AGPS: variants seen among roughly 807,000 people sequenced by gnomAD.
AGPS encodes alkylglycerone phosphate synthase.
AGPS carries 26 observed loss-of-function variants against 90.7 expected under a neutral mutation model. That is an observed-to-expected ratio of 0.29 (90% CI 0.21 to 0.40). AGPS has a LOEUF of 0.40. Ranked by LOEUF, AGPS falls within the 10% of genes least tolerant of loss-of-function variation. The probability of loss-of-function intolerance (pLI) is 1.00; values close to 1 mark genes in which losing one functional copy is unlikely to be tolerated. For synonymous variants in AGPS, 294 were observed against 285.3 expected (o/e 1.03, Z -0.31); for missense variants, 540 against 816.1 (o/e 0.66, Z 4.12).
chr2:177,475,989 C>T (rs1039516918), intron 10 of AGPS, among the ~76,000 whole-genome samples: 6 of 151,786 alleles, frequency 4.0e-5, no homozygotes, highest in Admixed American at 2.6e-4. Flanking sequence ...CCTTTATAAT[C>T]CTTTTTATTT....
At chr2:177,508,291 A>G (rs1257980764) in intron 16 of AGPS, among the ~76,000 whole-genome samples, 1 of 152,170 alleles carries the variant, frequency 6.6e-6, no homozygotes, top group Non-Finnish European at 1.5e-5. Flanking sequence ...GAAGAATGTT[A>G]TTGAATGCTC....
intron 1 of AGPS, among the ~76,000 whole-genome samples, chr2:177,405,029 G>A (rs1373506401): frequency 2.0e-5 from 3 of 152,184 alleles, no homozygotes; most frequent in Non-Finnish European, 4.4e-5. Context: ...GAACCCAAGG[G>A]TAAGAATGGA....
chr2:177,442,384 G>C, intron 6 of AGPS, 23 bp from the exon 7 acceptor site: 1 of 1,568,778 alleles, frequency 6.4e-7, no homozygotes, highest in Non-Finnish European at 8.8e-7. Flanking sequence ...AAACATAAAA[G>C]TTGTTGTTTC....
chr2:177,410,140 T>C (rs1685578539), intron 1 of AGPS, among the ~76,000 whole-genome samples: 1 of 152,134 alleles, frequency 6.6e-6, no homozygotes, highest in African/African-American at 2.4e-5. Flanking sequence ...TCCTGCCGAG[T>C]ACTGCAGCTT....
At chr2:177,430,436 A>G (rs1338688898) in intron 2 of AGPS, among the ~76,000 whole-genome samples, 1 of 152,016 alleles carries the variant, frequency 6.6e-6, no homozygotes, top group Non-Finnish European at 1.5e-5. Context: ...AGCCTGAGTG[A>G]CTGTTCTTTT....
chr2:177,472,117 G>T (rs1200087693), intron 10 of AGPS, among the ~76,000 whole-genome samples: 2 of 147,426 alleles, frequency 1.4e-5, no homozygotes, highest in East Asian at 3.9e-4. Context: ...AAATATTAGG[G>T]TTTTTTTTTT....
At position 177,537,583 on chromosome 2, in the gene AGPS, G is replaced by A. The variant is rs189705580; in HGVS notation, c.1856-491G>A. 5.3e-5 allele frequency among the ~76,000 whole-genome samples: 8 copies of A among 152,084 alleles called. No homozygotes were observed. The East Asian group carries it at 1.5e-3, about 29-fold the overall frequency. On this transcript the variant is annotated intron_variant, in intron 19 of 19. Transcript: ENST00000264167. The stretch of plus-strand genomic sequence containing the variant: ...AGAATTTTTTCTTGAGCCTATTAAA[G>A]TTTCAAATTTTCTTATTATTTGAAG...
At chr2:177,536,293 A>G (rs1004547429) in intron 19 of AGPS, among the ~76,000 whole-genome samples, 7 of 152,120 alleles carry the variant, frequency 4.6e-5, no homozygotes, top group Non-Finnish European at 5.9e-5. Context: ...TGTATTACAG[A>G]TAACAGTGGA....
chr2:177,500,205 C>T (rs1375179640), intron 14 of AGPS, among the ~76,000 whole-genome samples: 1 of 151,884 alleles, frequency 6.6e-6, no homozygotes, highest in African/African-American at 2.4e-5. Context: ...CTGTTTTGTG[C>T]TGGTATAAAG....
chr2:177,526,466 A>G (rs1318593253), intron 19 of AGPS, among the ~76,000 whole-genome samples: 1 of 151,978 alleles, frequency 6.6e-6, no homozygotes, highest in Non-Finnish European at 1.5e-5. Flanking sequence ...CTGATCTCAG[A>G]TGATCCGCCC....
At chr2:177,406,005 C>A (rs182455167) in intron 1 of AGPS, among the ~76,000 whole-genome samples, 97 of 152,228 alleles carry the variant, frequency 6.4e-4, no homozygotes, top group Non-Finnish European at 2.4e-4. Context: ...TCTTCACTTC[C>A]GCCATTATTT....
intron 1 of AGPS, among the ~76,000 whole-genome samples, chr2:177,413,140 G>A (rs917683975): frequency 2.6e-5 from 4 of 152,154 alleles, no homozygotes; most frequent in Non-Finnish European, 4.4e-5. Context: ...CAATGGGAGG[G>A]AACCCAAAGG....
chr2:177,436,889 G>C lies in AGPS; in HGVS notation c.562+5G>C, dbSNP rs1259708875. 5.6e-6 allele frequency: 9 copies of C among 1,612,566 alleles called. No homozygotes were observed. Among genetic ancestry groups the C allele is most frequent in the Non-Finnish European group, 7.6e-6 (9 of 1,178,958 alleles). On this transcript the variant is annotated splice_donor_5th_base_variant and intron_variant, in intron 4 of 19. Coordinates refer to ENST00000264167, the MANE Select transcript of AGPS (RefSeq NM_003659.4). Reference sequence around the variant, plus strand: ...ATCGAGTATTTAGAGCTCATGGTAAGTTACTTTATATTAGCCCTATTTATT... The same window carrying C: ...ATCGAGTATTTAGAGCTCATGGTAACTTACTTTATATTAGCCCTATTTATT...
At chr2:177,471,091 C>T (rs1283579027) in intron 10 of AGPS, among the ~76,000 whole-genome samples, 1 of 152,098 alleles carries the variant, frequency 6.6e-6, no homozygotes, top group African/African-American at 2.4e-5. Flanking sequence ...ATCCCCATTT[C>T]AGTTTGTGAA....
At chr2:177,459,549 C>T (rs1321623029) in intron 8 of AGPS, among the ~76,000 whole-genome samples, 1 of 152,098 alleles carries the variant, frequency 6.6e-6, no homozygotes, top group African/African-American at 2.4e-5. Flanking sequence ...TTTATGCAGC[C>T]AACAGACATA....
intron 3 of AGPS, among the ~76,000 whole-genome samples, chr2:177,436,139 A>ATTTTTTTTTTTTTTTTTT (rs1172040227): frequency 2.4e-5 from 2 of 82,122 alleles, no homozygotes; most frequent in African/African-American, 4.7e-5. Context: ...GAAATGCTGA[A>ATTTTTTTTTTTTTTTTTT]TTTTTTTTTT....
Position 177,393,019 on chromosome 2 carries a change from C to G in AGPS, c.230C>G (p.Ala77Gly), listed in dbSNP as rs1172337808. The stretch of plus-strand genomic sequence containing the variant: ...GCAGCGCCCACGGCCACTCCCGCCG[C>G]GCAGGAGTCGGGCACCATCCCAAAG... ...ATAAPTATPAAQESGTIPKKR... is the reference protein window; with the variant it reads ...ATAAPTATPAGQESGTIPKKR... The change falls in exon 1 of 20, where the codon GCG becomes GGG. Residue 77 changes from alanine to glycine, a missense_variant. By Grantham distance (60) the Ala-to-Gly change is moderately conservative (BLOSUM62 0). This residue lies in a region of AGPS where 135 missense variants were observed against 124.0 expected (regional missense o/e 1.09). Transcript: ENST00000264167. 17 of 1,550,344 alleles carry G rather than the reference C, an allele frequency of 1.1e-5. No homozygotes were observed. The highest frequency in any genetic ancestry group is 1.5e-5 in the Non-Finnish European group (17 of 1,146,802).
At chr2:177,403,782 C>T (rs1208613351) in intron 1 of AGPS, among the ~76,000 whole-genome samples, 1 of 152,090 alleles carries the variant, frequency 6.6e-6, no homozygotes, top group Non-Finnish European at 1.5e-5. Context: ...CTTTCCTTAT[C>T]AAGAAATAAT....
chr2:177,445,659 T>A, intron 8 of AGPS, 33 bp downstream of exon 8: 1 of 1,405,288 alleles, frequency 7.1e-7, no homozygotes, highest in Non-Finnish European at 9.8e-7. Context: ...TTTTTTAAAT[T>A]AACTTATTCT....
Sources: gnomAD v4.1 joint callset for allele counts (sites outside exome capture counted in the v4.1 genomes callset) on GRCh38, gnomAD v4.1.1 for gene constraint, gnomAD v4.1.1 regional missense constraint, MANE v1.5 for transcripts, NCBI Gene and HGNC (gene_info 2026-07-23, HGNC 2026-07-21) for gene names.